The following SCN1A variants were observed in gnomAD, a reference collection of about 807,000 sequenced individuals.
SCN1A encodes sodium voltage-gated channel alpha subunit 1.
In SCN1A, 13 loss-of-function variants were observed where a neutral mutation model predicts 193.7. The observed-to-expected ratio is 0.07, with a 90% CI of 0.04 to 0.11. SCN1A has a LOEUF of 0.11. Ranked by LOEUF, SCN1A falls within the 10% of genes least tolerant of loss-of-function variation. SCN1A has a pLI of 1.00. For synonymous variants in SCN1A, 781 were observed against 843.6 expected (o/e 0.93, Z 1.29); for missense variants, 1,432 against 2,451.1 (o/e 0.58, Z 8.78).
chr2:166,133,598 T>C (rs1350336262), intron 1 of SCN1A, among the ~76,000 whole-genome samples: 1 of 152,206 alleles, frequency 6.6e-6, no homozygotes, highest in Non-Finnish European at 1.5e-5. Flanking sequence ...AAAATTACTA[T>C]AGTGCTCTGT....
At chr2:166,090,343 G>T (rs919815246) in intron 2 of SCN1A, among the ~76,000 whole-genome samples, 1 of 152,016 alleles carries the variant, frequency 6.6e-6, no homozygotes, top group Non-Finnish European at 1.5e-5. Context: ...AAAGAGAAAA[G>T]AATTTAAACT....
intron 1 of SCN1A, among the ~76,000 whole-genome samples, chr2:166,135,914 A>C (rs1691837467): frequency 6.6e-6 from 1 of 152,200 alleles, no homozygotes; most frequent in African/African-American, 2.4e-5. Flanking sequence ...GGATGTGAGC[A>C]TGGGATAGAG....
At chr2:166,127,180 A>T (rs1444041892) in intron 1 of SCN1A, 170 bp from the exon 2 acceptor site, 1 of 152,080 alleles carries the variant, frequency 6.6e-6, no homozygotes. Flanking sequence ...GCTCAATAGG[A>T]GTTGGCAGAG....
Position 166,106,410 on chromosome 2 carries a change from T to C in SCN1A, c.-142+20514A>G, listed in dbSNP as rs574868408. 2.0e-5 allele frequency among the ~76,000 whole-genome samples: 3 copies of C among 151,970 alleles called. No individual in the cohort carries two copies. In the South Asian group the frequency reaches 6.2e-4, roughly 32 times the overall value. ...GGGGTCCAAACTTCATTGGGAAAAGTGTGGTGGAAGCCCTCTTTCTCTACA... is the reference window on the plus strand; with the variant it reads ...GGGGTCCAAACTTCATTGGGAAAAGCGTGGTGGAAGCCCTCTTTCTCTACA... On this transcript the variant is annotated intron_variant, in intron 2 of 28. Coordinates refer to ENST00000674923, the MANE Select transcript of SCN1A (RefSeq NM_001165963.4).
chr2:166,100,186 C>A (rs1187899331), intron 2 of SCN1A, among the ~76,000 whole-genome samples: 2 of 137,164 alleles, frequency 1.5e-5, no homozygotes, highest in East Asian at 4.2e-4. Context: ...TGGAACAGAA[C>A]AGAGCCCTCA....
chr2:166,130,071 C>T (rs1205367805), upstream of SCN1A, among the ~76,000 whole-genome samples: 1 of 152,130 alleles, frequency 6.6e-6, no homozygotes, highest in Non-Finnish European at 1.5e-5. Flanking sequence ...AAGACAGAGA[C>T]AGACTGTTTC....
At chr2:166,120,741 G>A (rs1456185351) in intron 2 of SCN1A, among the ~76,000 whole-genome samples, 1 of 151,312 alleles carries the variant, frequency 6.6e-6, no homozygotes, top group Non-Finnish European at 1.5e-5. Flanking sequence ...AGCCTCCTGA[G>A]TAGCTGGGAC....
intron 4 of SCN1A, among the ~76,000 whole-genome samples, chr2:166,069,697 T>C (rs1260280574): frequency 6.6e-6 from 1 of 152,210 alleles, no homozygotes; most frequent in East Asian, 1.9e-4. Context: ...TTCCATATAG[T>C]TGAGAAAGAA....
Position 165,994,436 on chromosome 2 carries a change from C to CT in SCN1A, c.4582-21dup. Reference sequence around the variant, plus strand: ...TTTGTTCTGTAGAGAAATAGAAATGCTTTTAACAACAAAGGAGTTTTCTCA... The same window carrying CT: ...TTTGTTCTGTAGAGAAATAGAAATGCTTTTTAACAACAAAGGAGTTTTCTCA... On this transcript the variant is annotated intron_variant, in intron 27 of 28. Coordinates refer to ENST00000674923, the MANE Select transcript of SCN1A (RefSeq NM_001165963.4). 3.7e-6 allele frequency: 6 copies of CT among 1,611,332 alleles called. No individual in the cohort carries two copies. The highest frequency in any genetic ancestry group is 1.3e-5 in the African/African-American group (1 of 74,898).
chr2:166,047,551 G>T, intron 11 of SCN1A, 76 bp downstream of exon 11: 1 of 1,512,046 alleles, frequency 6.6e-7, no homozygotes, highest in Non-Finnish European at 9.2e-7. Context: ...ATTATCATCC[G>T]GTTTTAATTT....
intron 4 of SCN1A, among the ~76,000 whole-genome samples, chr2:166,070,472 C>A (rs1684298702): frequency 6.6e-6 from 1 of 152,170 alleles, no homozygotes; most frequent in South Asian, 2.1e-4. Context: ...ATACCATGTG[C>A]ATTTGAAGAT....
At chr2:166,068,322 A>G (rs1684059872) in intron 4 of SCN1A, among the ~76,000 whole-genome samples, 1 of 152,204 alleles carries the variant, frequency 6.6e-6, no homozygotes. Flanking sequence ...CAACATCACC[A>G]TCTTGGGACT....
At chr2:166,093,475 A>G (rs1245016391) in intron 2 of SCN1A, among the ~76,000 whole-genome samples, 1 of 151,932 alleles carries the variant, frequency 6.6e-6, no homozygotes, top group Non-Finnish European at 1.5e-5. Flanking sequence ...AGTAGCTGGG[A>G]CTACAGTTGC....
intron 1 of SCN1A, among the ~76,000 whole-genome samples, chr2:166,147,496 A>G (rs1308791507): frequency 1.3e-5 from 2 of 152,214 alleles, no homozygotes; most frequent in African/African-American, 4.8e-5. Flanking sequence ...TCAATTATAG[A>G]CAATTTGAAC....
Position 166,095,950 on chromosome 2 carries a change from C to T in SCN1A, c.-141-18149G>A, listed in dbSNP as rs141899101. The stretch of plus-strand genomic sequence containing the variant: ...ACTTACCTTGAACCACTTGAACCCT[C>T]CCCTAAAAGCAATATGATACAGATG... On this transcript the variant is annotated intron_variant, in intron 2 of 28. Transcript: ENST00000674923. 2.2e-3 allele frequency among the ~76,000 whole-genome samples: 330 copies of T among 152,250 alleles called. 1 individual carries two copies. The highest frequency in any genetic ancestry group is 7.7e-3 in the African/African-American group (321 of 41,540).
upstream of SCN1A, among the ~76,000 whole-genome samples, chr2:166,132,323 T>C (rs1464038578): frequency 2.0e-5 from 3 of 152,090 alleles, no homozygotes; most frequent in Non-Finnish European, 4.4e-5. Context: ...TGATCCTTGG[T>C]AAATGTAATT....
intron 2 of SCN1A, among the ~76,000 whole-genome samples, chr2:166,097,117 G>A (rs1574478507): frequency 6.6e-6 from 1 of 151,858 alleles, no homozygotes; most frequent in South Asian, 2.1e-4. Context: ...ACTCTCCCAG[G>A]TTCAAGCAAT....
intron 3 of SCN1A, among the ~76,000 whole-genome samples, chr2:166,075,534 C>G (rs1310597180): frequency 2.6e-5 from 4 of 151,924 alleles, no homozygotes; most frequent in Non-Finnish European, 4.4e-5. Flanking sequence ...ACATGGGTTT[C>G]CATTGCATGT....
At chr2:166,108,230 T>C (rs1403371810) in intron 2 of SCN1A, among the ~76,000 whole-genome samples, 1 of 151,158 alleles carries the variant, frequency 6.6e-6, no homozygotes, top group Non-Finnish European at 1.5e-5. Flanking sequence ...ATGAAGGAAA[T>C]GCAAATAAAA....
Sources: gnomAD v4.1 joint callset for allele counts (sites outside exome capture counted in the v4.1 genomes callset) on GRCh38, gnomAD v4.1.1 for gene constraint, MANE v1.5 for transcripts, NCBI Gene and HGNC (gene_info 2026-07-23, HGNC 2026-07-21) for gene names.